The following MAP4K3 variants were observed in gnomAD, a reference collection of about 807,000 sequenced individuals.
MAP4K3 encodes the protein mitogen-activated protein kinase kinase kinase kinase 3.
Under a neutral mutation model 143.5 loss-of-function variants are expected in MAP4K3, and 94 were observed. The observed-to-expected ratio is 0.65, with a 90% confidence interval of 0.55 to 0.78. The LOEUF is 0.78. MAP4K3 is among the 30% of genes least tolerant of loss of function. The pLI, the probability that MAP4K3 is intolerant of heterozygous loss-of-function variation, is 0.00. For synonymous variants in MAP4K3, 416 were observed against 347.2 expected (o/e 1.20, Z -2.20); for missense variants, 1,077 against 1,068.1 (o/e 1.01, Z -0.12).
chr2:39,363,393 C>A (rs546002246), intron 2 of MAP4K3, among the ~76,000 whole-genome samples: 2 of 149,200 alleles, frequency 1.3e-5, no homozygotes, highest in African/African-American at 5.2e-5. Flanking sequence ...AAGGGCTCGG[C>A]GCAGTGGCTC....
intron 12 of MAP4K3, among the ~76,000 whole-genome samples, chr2:39,318,267 T>C (rs1683185500): frequency 1.3e-5 from 2 of 151,868 alleles, no homozygotes; most frequent in Non-Finnish European, 2.9e-5. Context: ...AGGGTGAGGA[T>C]AAAAAACTAC....
chr2:39,350,222 T>C (rs1251412572), intron 3 of MAP4K3, among the ~76,000 whole-genome samples: 1 of 152,236 alleles, frequency 6.6e-6, no homozygotes. Flanking sequence ...CTTTCAGATA[T>C]ATTCCTAATT....
intron 13 of MAP4K3, among the ~76,000 whole-genome samples, chr2:39,314,497 G>T (rs1683049170): frequency 6.6e-6 from 1 of 152,182 alleles, no homozygotes; most frequent in South Asian, 2.1e-4. Context: ...GAGCTTTAAA[G>T]ATAATTTTAT....
chr2:39,404,551 C>T (rs1030047420), intron 1 of MAP4K3, among the ~76,000 whole-genome samples: 1 of 151,440 alleles, frequency 6.6e-6, no homozygotes, highest in African/African-American at 2.4e-5. Context: ...TGAGTACCAG[C>T]TCAGCCACAG....
intron 16 of MAP4K3, among the ~76,000 whole-genome samples, chr2:39,296,087 T>G (rs1682271403): frequency 6.6e-6 from 1 of 152,180 alleles, no homozygotes; most frequent in Non-Finnish European, 1.5e-5. Context: ...AATGGTTGAA[T>G]AAGTGAATAT....
chr2:39,381,357 G>C (rs1666351886), intron 1 of MAP4K3, among the ~76,000 whole-genome samples: 1 of 152,130 alleles, frequency 6.6e-6, no homozygotes, highest in South Asian at 2.1e-4. Flanking sequence ...TTAATTGTAA[G>C]AGTTCTTCAC....
At chr2:39,319,814 G>T (rs1683245573) in intron 12 of MAP4K3, among the ~76,000 whole-genome samples, 1 of 152,016 alleles carries the variant, frequency 6.6e-6, no homozygotes, top group Admixed American at 6.6e-5. Flanking sequence ...TCTCTTGATT[G>T]CATTCATTTT....
intron 13 of MAP4K3, among the ~76,000 whole-genome samples, chr2:39,312,635 T>C (rs1462595416): frequency 6.6e-6 from 1 of 152,222 alleles, no homozygotes; most frequent in Non-Finnish European, 1.5e-5. Context: ...TATATGCTTT[T>C]AAGCTGTTAA....
At chr2:39,268,636 T>TTTTTTTTG in intron 26 of MAP4K3, among the ~76,000 whole-genome samples, 1 of 104,966 alleles carries the variant, frequency 9.5e-6, no homozygotes, top group Admixed American at 9.6e-5. Context: ...TTTTTTCTAT[T>TTTTTTTTG]TTTTTTTTTT....
chr2:39,386,820 C>CTTTTTTTTTTTTTTTTTTT (rs56011585), intron 1 of MAP4K3, among the ~76,000 whole-genome samples: 12 of 139,130 alleles, frequency 8.6e-5, no homozygotes, highest in African/African-American at 2.2e-4. Context: ...TTTTGTTGTT[C>CTTTTTTTTTTTTTTTTTTT]TTTTTTTTTT....
intron 4 of MAP4K3, among the ~76,000 whole-genome samples, chr2:39,339,016 T>C (rs945883412): frequency 1.3e-5 from 2 of 152,244 alleles, no homozygotes; most frequent in African/African-American, 4.8e-5. Flanking sequence ...TAGTTTTCTT[T>C]TTCACTATTA....
intron 12 of MAP4K3, among the ~76,000 whole-genome samples, chr2:39,323,985 T>A (rs1683404966): frequency 6.6e-6 from 1 of 152,222 alleles, no homozygotes; most frequent in African/African-American, 2.4e-5. Flanking sequence ...TTGCAGAATT[T>A]TAGCTTATGC....
chr2:39,293,100 G>C (rs1682119014), intron 17 of MAP4K3, 130 bp downstream of exon 17: 3 of 751,730 alleles, frequency 4.0e-6, no homozygotes, highest in Admixed American at 5.6e-5. Flanking sequence ...CTGGGCAACA[G>C]AGCGAGACCC....
intron 19 of MAP4K3, among the ~76,000 whole-genome samples, 185 bp from the exon 20 acceptor site, chr2:39,288,465 T>C (rs963722930): frequency 1.3e-5 from 2 of 152,204 alleles, no homozygotes; most frequent in African/African-American, 4.8e-5. Context: ...ATTCTAAAAA[T>C]GTACACTAAA....
At chr2:39,424,933 C>T (rs987708059) in intron 1 of MAP4K3, among the ~76,000 whole-genome samples, 2 of 151,046 alleles carry the variant, frequency 1.3e-5, no homozygotes, top group Non-Finnish European at 2.9e-5. Flanking sequence ...AATTCAAATC[C>T]AAGAGTCATT....
Position 39,410,955 on chromosome 2 carries a change from C to T in MAP4K3, c.96+25937G>A, listed in dbSNP as rs560654229. Among the ~76,000 whole-genome samples the T allele has an allele frequency of 8.9e-4, 135 of 152,230 alleles. 1 individual carries two copies. The highest frequency in any genetic ancestry group is 3.0e-3 in the African/African-American group (124 of 41,546). On this transcript the variant is annotated intron_variant, in intron 1 of 33. Transcript: ENST00000263881. The stretch of plus-strand genomic sequence containing the variant: ...ATAATCTACATTAGCATTAAATACA[C>T]CTTTGAGAAACTGTTTAAAAGAACA...
At chr2:39,281,969 A>C (rs1203975000) in intron 22 of MAP4K3, among the ~76,000 whole-genome samples, 1 of 152,006 alleles carries the variant, frequency 6.6e-6, no homozygotes. Context: ...CGAGGTGCAC[A>C]CATCACCTGA....
chr2:39,413,606 A>C (rs888372811), intron 1 of MAP4K3, among the ~76,000 whole-genome samples: 13 of 152,124 alleles, frequency 8.5e-5, no homozygotes, highest in African/African-American at 3.1e-4. Flanking sequence ...AAAAAGGTAG[A>C]GGTGCAGAGT....
intron 28 of MAP4K3, among the ~76,000 whole-genome samples, chr2:39,261,999 A>G (rs768033204): frequency 9.0e-4 from 137 of 152,278 alleles, no homozygotes; most frequent in Non-Finnish European, 1.8e-3. Context: ...TTTTCTTCAC[A>G]AATTAAAAAA....
Sources: gnomAD v4.1 joint callset for allele counts (sites outside exome capture counted in the v4.1 genomes callset) on GRCh38, gnomAD v4.1.1 for gene constraint, MANE v1.5 for transcripts, NCBI Gene and HGNC (gene_info 2026-07-23, HGNC 2026-07-21) for gene names.